TACR1: variants seen among roughly 807,000 people sequenced by gnomAD.
TACR1 encodes the protein tachykinin receptor 1.
A neutral mutation model predicts 35.8 loss-of-function variants in TACR1; 25 were observed. The ratio of observed to expected loss-of-function variants is 0.70; its 90% CI spans 0.51 to 0.98. The LOEUF is 0.98. Ranked by LOEUF, TACR1 falls within the 50% of genes least tolerant of loss-of-function variation. TACR1 has a pLI of 0.00. For synonymous variants in TACR1, 195 were observed against 206.7 expected, an observed-to-expected ratio of 0.94 and a Z score of 0.48; for missense variants, 478 against 522.9, an observed-to-expected ratio of 0.91 and a Z score of 0.84.
At chr2:75,074,730 T>C (rs1251178949) in intron 2 of TACR1, among the ~76,000 whole-genome samples, 4 of 152,022 alleles carry the variant, frequency 2.6e-5, no homozygotes, top group African/African-American at 9.7e-5. Flanking sequence ...TCATAGTCTA[T>C]AGGCTGCCTT....
At chr2:75,157,381 C>G (rs999322700) in intron 1 of TACR1, among the ~76,000 whole-genome samples, 4 of 152,202 alleles carry the variant, frequency 2.6e-5, no homozygotes, top group African/African-American at 9.6e-5. Flanking sequence ...TTCCTACTCT[C>G]CCAAAAGAGA....
At chr2:75,091,551 A>G (rs1673313861) in intron 2 of TACR1, among the ~76,000 whole-genome samples, 1 of 152,194 alleles carries the variant, frequency 6.6e-6, no homozygotes, top group South Asian at 2.1e-4. Context: ...CATAACTGTT[A>G]TAAAACCCAA....
At chr2:75,092,852 T>C (rs745511931) in intron 2 of TACR1, among the ~76,000 whole-genome samples, 73 of 152,274 alleles carry the variant, frequency 4.8e-4, no homozygotes, top group Non-Finnish European at 8.2e-4. Flanking sequence ...TATAATCTGG[T>C]TCACTAGACC....
intron 1 of TACR1, among the ~76,000 whole-genome samples, chr2:75,191,364 G>A (rs1675842266): frequency 6.6e-6 from 1 of 152,116 alleles, no homozygotes; most frequent in Non-Finnish European, 1.5e-5. Flanking sequence ...AGTGGGGGGT[G>A]TTAGAGAAAA....
intron 2 of TACR1, among the ~76,000 whole-genome samples, chr2:75,066,875 A>G (rs988618512): frequency 2.6e-5 from 4 of 152,234 alleles, no homozygotes; most frequent in African/African-American, 7.2e-5. Flanking sequence ...TGAGAGGACA[A>G]ACATTTAATG....
chr2:75,146,113 C>A (rs1220617563), intron 1 of TACR1, among the ~76,000 whole-genome samples: 1 of 152,004 alleles, frequency 6.6e-6, no homozygotes, highest in African/African-American at 2.4e-5. Flanking sequence ...GAGAGAAGAA[C>A]CTTTTTAAAA....
intron 2 of TACR1, chr2:75,090,797 C>T (rs534317983): frequency 1.3e-5 from 2 of 153,912 alleles, no homozygotes; most frequent in Non-Finnish European, 1.5e-5. Context: ...CCTTATGATC[C>T]CAAAGTCATC....
Position 75,086,470 on chromosome 2 carries a change from G to A in TACR1, c.585-32715C>T, listed in dbSNP as rs1235027374. ...CCAAGTGCAGTACTTGGCACACAGT[G>A]GACACTCAATAAATATTTACTGACT... On this transcript the variant is annotated intron_variant, in intron 2 of 4. Coordinates refer to ENST00000305249, the MANE Select transcript of TACR1 (RefSeq NM_001058.4). Among the ~76,000 whole-genome samples, 4 of 152,110 alleles carry A rather than the reference G, an allele frequency of 2.6e-5. No individual in the cohort carries two copies. The East Asian group carries it at 7.7e-4, about 29-fold the overall frequency.
intron 1 of TACR1, among the ~76,000 whole-genome samples, chr2:75,177,542 T>C (rs949028921): frequency 1.3e-5 from 2 of 152,230 alleles, no homozygotes; most frequent in East Asian, 1.9e-4. Context: ...ATGCACTTTT[T>C]AGTTGAAGTC....
chr2:75,055,977 A>G (rs1282276523), intron 2 of TACR1, among the ~76,000 whole-genome samples: 3 of 152,254 alleles, frequency 2.0e-5, no homozygotes, highest in Admixed American at 6.5e-5. Context: ...ATCACCAGGG[A>G]AACTTTTAAA....
In TACR1 at chr2:75,047,396, T is replaced by G. The variant is rs1367125088; in HGVS notation, c.*2036A>C. On this transcript the variant is annotated 3_prime_UTR_variant, in exon 5 of 5. Coordinates refer to ENST00000305249, the MANE Select transcript of TACR1 (RefSeq NM_001058.4). The stretch of plus-strand genomic sequence containing the variant: ...TAGTGATGGCCAATAAGGTAGGCTC[T>G]TCAAGAGCTGCAGGGGCTGTGTGTT... 1 of 152,366 alleles carries G rather than the reference T, an allele frequency of 6.6e-6. No individual in the cohort carries two copies. The highest frequency in any genetic ancestry group is 1.5e-5 in the Non-Finnish European group (1 of 68,142). The allele number at this position is 152,366 out of a possible 1,614,324, so 9.4% of individuals were successfully genotyped here. A position where few individuals can be genotyped will look rare whatever the true frequency, so the allele number is the denominator to read the frequency against.
chr2:75,070,322 C>T (rs998960486), intron 2 of TACR1, among the ~76,000 whole-genome samples: 1 of 151,858 alleles, frequency 6.6e-6, no homozygotes, highest in South Asian at 2.1e-4. Context: ...CATGTAAGTG[C>T]ACTGCTTCTG....
rs1672455437 is a variant in TACR1, at chr2:75,051,070, G to A, written c.932+181C>T. The A allele has an allele frequency of 1.4e-5, 10 of 716,004 alleles. No homozygotes were observed. In the South Asian group the frequency reaches 1.9e-4, roughly 13 times the overall value. 44.4% of individuals were successfully genotyped at this position (716,004 alleles called of 1,614,324 possible). The stretch of plus-strand genomic sequence containing the variant: ...AAAAAAGAAAATCAGTCCACTCCGG[G>A]CTCCCATTCCTGGATGGTGATAATC... On this transcript the variant is annotated intron_variant, in intron 4 of 4. Transcript: ENST00000305249.
At chr2:75,189,198 T>C (rs1171656813) in intron 1 of TACR1, 2 of 152,244 alleles carry the variant, frequency 1.3e-5, no homozygotes, top group Non-Finnish European at 2.9e-5. Flanking sequence ...GTGGACTCTG[T>C]AGGCACCAGG....
chr2:75,092,076 C>G (rs1673323212), intron 2 of TACR1, among the ~76,000 whole-genome samples: 1 of 152,208 alleles, frequency 6.6e-6, no homozygotes, highest in Non-Finnish European at 1.5e-5. Context: ...GAATGCAGAA[C>G]TCAGCATGCT....
intron 1 of TACR1, among the ~76,000 whole-genome samples, chr2:75,173,547 G>A (rs1370146751): frequency 6.6e-6 from 1 of 152,044 alleles, no homozygotes; most frequent in Non-Finnish European, 1.5e-5. Context: ...AATCTTGTTA[G>A]ACTAAAGAAG....
At chr2:75,117,133 T>TTGTG (rs3079167) in intron 2 of TACR1, among the ~76,000 whole-genome samples, 45 of 148,870 alleles carry the variant, frequency 3.0e-4, no homozygotes, top group East Asian at 2.2e-3. Context: ...ACTTTGTGGA[T>TTGTG]TGTGTGTGTG....
chr2:75,079,496 C>T (rs1558545597), intron 2 of TACR1, among the ~76,000 whole-genome samples: 2 of 152,178 alleles, frequency 1.3e-5, no homozygotes, highest in African/African-American at 4.8e-5. Flanking sequence ...CCCCACCATG[C>T]CCAGTCTGTC....
chr2:75,157,948 G>C (rs1489501320), intron 1 of TACR1, among the ~76,000 whole-genome samples: 1 of 152,238 alleles, frequency 6.6e-6, no homozygotes, highest in Non-Finnish European at 1.5e-5. Context: ...CTTTAGTTTA[G>C]AGCCTGTTTC....
Sources: gnomAD v4.1 joint callset for allele counts (sites outside exome capture counted in the v4.1 genomes callset) on GRCh38, gnomAD v4.1.1 for gene constraint, MANE v1.5 for transcripts, NCBI Gene and HGNC (gene_info 2026-07-23, HGNC 2026-07-21) for gene names.